The following ZNF333 variants were observed in gnomAD, a reference collection of about 807,000 sequenced individuals.
ZNF333 encodes zinc finger protein 333.
In ZNF333, 61 loss-of-function variants were observed where a neutral mutation model predicts 76.1. The observed-to-expected ratio is 0.80, with a 90% CI of 0.65 to 0.99. The LOEUF is 0.99. Among genes scored for constraint, ZNF333 ranks in the 50% least tolerant of loss-of-function variants. The pLI, the probability that ZNF333 is intolerant of heterozygous loss-of-function variation, is 0.00. For missense variants in ZNF333, 717 were observed against 822.4 expected (o/e 0.87, Z 1.57); for synonymous variants, 284 against 305.0 (o/e 0.93, Z 0.72).
intron 7 of ZNF333, among the ~76,000 whole-genome samples, chr19:14,713,522 C>A (rs2042338346): frequency 6.6e-6 from 1 of 152,094 alleles, no homozygotes; most frequent in Non-Finnish European, 1.5e-5. Flanking sequence ...AGGTTGCACA[C>A]CAAGGCAGAG....
intron 11 of ZNF333, among the ~76,000 whole-genome samples, chr19:14,730,443 C>CTTCCAT (rs1480122010): frequency 1.4e-3 from 219 of 151,972 alleles, no homozygotes; most frequent in African/African-American, 5.0e-3. Context: ...TTCCTTCTTT[C>CTTCCAT]CTTCCTCCCT....
In ZNF333 at chr19:14,719,390, G is replaced by T. The variant is rs1043877774; in HGVS notation, c.*65G>T. Reference sequence around the variant, plus strand: ...TTTCCCTCGTAATACTCCTTTAGCTGCATCCTGTGTTTCAATGTATAATAT... The same window carrying T: ...TTTCCCTCGTAATACTCCTTTAGCTTCATCCTGTGTTTCAATGTATAATAT... On this transcript the variant is annotated 3_prime_UTR_variant, in exon 12 of 12. Transcript: ENST00000292530. The T allele has an allele frequency of 2.2e-5, 32 of 1,461,066 alleles. No individual in the cohort carries two copies. In the African/African-American group the frequency reaches 4.4e-4, roughly 20 times the overall value. 90.5% of individuals were successfully genotyped at this position (1,461,066 alleles called of 1,614,324 possible).
intron 7 of ZNF333, among the ~76,000 whole-genome samples, chr19:14,713,596 A>G (rs1323516674): frequency 1.3e-5 from 2 of 152,132 alleles, no homozygotes; most frequent in African/African-American, 2.4e-5. Flanking sequence ...ATGTTGGAGA[A>G]GAAGCTCTTA....
At position 14,718,692 on chromosome 19, in the gene ZNF333, T is replaced by C. The variant is rs1174401693; in HGVS notation, c.1365T>C (p.Cys455=). ...AGAAGCCCTACGAGTGTAAAGATTG[T>C]GGGAAAGCCTTCAATCAGCCATCAT... ...TGEKPYECKD[C]GKAFNQPSSL... is the part of the protein sequence containing the mutation. The change falls in exon 12 of 12, where the codon TGT becomes TGC. Residue 455 remains cysteine (C), a synonymous_variant. Transcript: ENST00000292530. 8.1e-6 allele frequency: 13 copies of C among 1,614,020 alleles called. No individual in the cohort carries two copies. Among genetic ancestry groups the C allele is most frequent in the Non-Finnish European group, 1.0e-5 (12 of 1,180,024 alleles).
chr19:14,694,343 C>T (rs1023129977), intron 2 of ZNF333, among the ~76,000 whole-genome samples: 6 of 151,702 alleles, frequency 4.0e-5, no homozygotes, highest in Non-Finnish European at 5.9e-5. Flanking sequence ...GTGTGTGGCA[C>T]GTGCCTGTAA....
exon 12 of ZNF333, chr19:14,731,393 T>G (rs1370521456): frequency 8.5e-6 from 5 of 587,400 alleles, no homozygotes; most frequent in African/African-American, 1.9e-5. Context: ...CTTAGTCACA[T>G]ACTTCTGGCT....
At chr19:14,713,511 G>A (rs2042337836) in intron 7 of ZNF333, among the ~76,000 whole-genome samples, 1 of 152,186 alleles carries the variant, frequency 6.6e-6, no homozygotes, top group South Asian at 2.1e-4. Context: ...GAGAATGGGT[G>A]AGGTTGCACA....
chr19:14,719,444 T>G lies in ZNF333; in HGVS notation c.*119T>G, dbSNP rs1444228437. On this transcript the variant is annotated 3_prime_UTR_variant, in exon 12 of 12. Coordinates refer to ENST00000292530, the MANE Select transcript of ZNF333 (RefSeq NM_032433.4). The stretch of plus-strand genomic sequence containing the variant: ...CATTTTGGTTTAATTGTAAGTATTG[T>G]CTTAACCTCCATTATCGTTTATTCT... 4.0e-5 allele frequency: 49 copies of G among 1,222,174 alleles called. No individual in the cohort carries two copies. Among genetic ancestry groups the G allele is most frequent in the Non-Finnish European group, 5.1e-5 (46 of 906,024 alleles). 75.7% of individuals were successfully genotyped at this position (1,222,174 alleles called of 1,614,324 possible).
At chr19:14,731,269 T>G in exon 12 of ZNF333, 1 of 1,372,872 alleles carries the variant, frequency 7.3e-7, no homozygotes, top group Non-Finnish European at 1.0e-6. Context: ...GGATCACTAC[T>G]GGGGCTTGAA....
chr19:14,695,244 C>T, intron 3 of ZNF333, 111 bp downstream of exon 3: 1 of 1,398,790 alleles, frequency 7.1e-7, no homozygotes, highest in Admixed American at 2.5e-5. Context: ...ACTTAGCGTC[C>T]ACAGGATGAC....
rs1268979255 is a variant in ZNF333 at position 14,718,772 on chromosome 19, A to C, written c.1445A>C (p.Gln482Pro). The change falls in exon 12 of 12, where the codon CAG (glutamine) becomes CCG (proline). Residue 482 changes from glutamine (Q) to proline (P), a missense_variant. Coordinates refer to ENST00000292530, the MANE Select transcript of ZNF333 (RefSeq NM_032433.4). ...HTGEKPFECS[Q>P]CGKAFREHSS... The stretch of plus-strand genomic sequence containing the variant: ...GGAGAGAAGCCCTTTGAATGCAGCC[A>C]GTGTGGGAAAGCCTTCAGGGAACAC... 2.5e-6 allele frequency: 4 copies of C among 1,614,052 alleles called. No individual in the cohort carries two copies. The African/African-American group carries it at 5.3e-5, about 22-fold the overall frequency.
At chr19:14,706,946 C>T (rs2146984518) in intron 7 of ZNF333, 173 bp downstream of exon 7, 3 of 548,864 alleles carry the variant, frequency 5.5e-6, no homozygotes, top group South Asian at 5.4e-5. Context: ...AGTGGGAGGG[C>T]ACTTCCAGTG....
At chr19:14,708,230 A>G (rs2146988339) in intron 7 of ZNF333, 1 of 385,674 alleles carries the variant, frequency 2.6e-6, no homozygotes, top group Non-Finnish European at 4.6e-6. Flanking sequence ...CTGGTCTCGA[A>G]CTCTTGACTT....
intron 11 of ZNF333, among the ~76,000 whole-genome samples, chr19:14,726,920 A>C (rs549765163): frequency 5.9e-5 from 9 of 152,008 alleles, no homozygotes; most frequent in Non-Finnish European, 1.2e-4. Context: ...CCTGTTACAC[A>C]GTTCTAAAGC....
At chr19:14,727,185 G>C (rs1048981947) in intron 11 of ZNF333, among the ~76,000 whole-genome samples, 1 of 151,872 alleles carries the variant, frequency 6.6e-6, no homozygotes, top group Admixed American at 6.6e-5. Flanking sequence ...CCGCCACCAC[G>C]CCTGGCTAAT....
intron 2 of ZNF333, among the ~76,000 whole-genome samples, chr19:14,694,422 G>C (rs368360631): frequency 6.6e-6 from 1 of 151,628 alleles, no homozygotes; most frequent in South Asian, 2.1e-4. Context: ...GCAGTGAGCC[G>C]AGATGGCGCC....
intron 11 of ZNF333, among the ~76,000 whole-genome samples, chr19:14,727,375 A>G (rs1343291947): frequency 2.6e-5 from 4 of 152,184 alleles, no homozygotes; most frequent in Admixed American, 6.5e-5. Context: ...CTGCACAAAC[A>G]TGGTACCAAC....
rs182944292 is a variant in ZNF333 at position 14,690,659 on chromosome 19, C to T, written c.-42+509C>T. On this transcript the variant is annotated intron_variant, in intron 1 of 11. Transcript: ENST00000292530. Reference sequence around the variant, plus strand: ...TACTTAAAAAATTGAATGCATCCTCCATTAAGGAATGAATTAGATGACGAG... The same window carrying T: ...TACTTAAAAAATTGAATGCATCCTCTATTAAGGAATGAATTAGATGACGAG... Among the ~76,000 whole-genome samples the T allele has an allele frequency of 2.7e-3, 415 of 152,312 alleles. 2 individuals are homozygous for T. The highest frequency in any genetic ancestry group is 4.4e-3 in the Non-Finnish European group (299 of 68,034).
At chr19:14,731,422 C>T (rs987456136) in exon 12 of ZNF333, 8 of 562,576 alleles carry the variant, frequency 1.4e-5, no homozygotes, top group Non-Finnish European at 1.9e-5. Context: ...GTAGGTTCCC[C>T]GCAAGGAGAC....
Sources: gnomAD v4.1 joint callset for allele counts (sites outside exome capture counted in the v4.1 genomes callset) on GRCh38, gnomAD v4.1.1 for gene constraint, MANE v1.5 for transcripts, NCBI Gene and HGNC (gene_info 2026-07-23, HGNC 2026-07-21) for gene names.